Variants in ANXA4 observed in about 807,000 individuals in gnomAD.
ANXA4 encodes annexin A4.
Under a neutral mutation model 49.8 loss-of-function variants are expected in ANXA4, and 39 were observed. The ratio of observed to expected loss-of-function variants is 0.78; its 90% confidence interval spans 0.61 to 1.02. ANXA4 has a LOEUF of 1.02. Ranked by LOEUF, ANXA4 falls within the 50% of genes least tolerant of loss-of-function variation. The pLI, the probability that ANXA4 is intolerant of heterozygous loss-of-function variation, is 0.00. For synonymous variants in ANXA4, 134 were observed against 152.5 expected, an observed-to-expected ratio of 0.88 and a Z score of 0.89; for missense variants, 360 against 410.1, an observed-to-expected ratio of 0.88 and a Z score of 1.05.
upstream of ANXA4, among the ~76,000 whole-genome samples, chr2:69,739,136 A>G (rs1351167605): frequency 6.6e-6 from 1 of 152,130 alleles, no homozygotes; most frequent in Non-Finnish European, 1.5e-5. Context: ...TGCTTCTTGT[A>G]CAGACTTACA....
rs965098064 is a variant in ANXA4, at chr2:69,804,551, T to C, written c.116T>C (p.Ile39Thr). The C allele has an allele frequency of 6.8e-6, 11 of 1,613,816 alleles. No individual in the cohort carries two copies. Among genetic ancestry groups the C allele is most frequent in the African/African-American group, 1.3e-5 (1 of 75,014 alleles). The change falls in exon 4 of 13, where the codon ATT becomes ACT. Residue 39 changes from isoleucine to threonine, a missense_variant. Coordinates refer to ENST00000394295, the MANE Select transcript of ANXA4 (RefSeq NM_001153.5). The part of the protein sequence containing the change: ...MKGLGTDEDA[I>T]ISVLAYRNTA... ...CCCCCAGGCACCGATGAAGACGCCA[T>C]TATTAGCGTCCTTGCCTACCGCAAC...
chr2:69,802,133 T>C (rs894985776), intron 3 of ANXA4, among the ~76,000 whole-genome samples: 9 of 152,064 alleles, frequency 5.9e-5, no homozygotes, highest in African/African-American at 1.9e-4. Context: ...CTAAAGTAAA[T>C]CCAGCAGATG....
chr2:69,710,285 C>T (rs954661497), intron 2 of ANXA4, among the ~76,000 whole-genome samples: 3 of 152,086 alleles, frequency 2.0e-5, no homozygotes, highest in Non-Finnish European at 2.9e-5. Context: ...ATGCCCGGCC[C>T]ACTTCCAGGC....
At chr2:69,761,992 C>T (rs988718042) in intron 1 of ANXA4, among the ~76,000 whole-genome samples, 1 of 152,090 alleles carries the variant, frequency 6.6e-6, no homozygotes, top group East Asian at 1.9e-4. Context: ...AGAAAAGATG[C>T]CACATGCTTG....
chr2:69,799,896 A>G (rs552749069), intron 3 of ANXA4, among the ~76,000 whole-genome samples: 31 of 152,346 alleles, frequency 2.0e-4, no homozygotes, highest in African/African-American at 5.5e-4. Context: ...AGTAACAACA[A>G]CCGTAGCAAT....
At chr2:69,648,714 G>A (rs565598019) in intron 1 of ANXA4, among the ~76,000 whole-genome samples, 18 of 151,076 alleles carry the variant, frequency 1.2e-4, no homozygotes, top group African/African-American at 2.9e-4. Flanking sequence ...ATACCAGCTC[G>A]GGAGGCTGAG....
chr2:69,729,254 T>C (rs77740778), intron 3 of ANXA4, among the ~76,000 whole-genome samples: 6,917 of 152,126 alleles, frequency 0.045, 518 homozygotes, highest in African/African-American at 0.16. Flanking sequence ...CCTCAAGTGA[T>C]CCACCTGCCT....
chr2:69,718,944 T>C (rs1669741385), intron 2 of ANXA4, among the ~76,000 whole-genome samples: 1 of 152,006 alleles, frequency 6.6e-6, no homozygotes, highest in Admixed American at 6.6e-5. Flanking sequence ...TTATAAAGCT[T>C]TTCCTGATAT....
chr2:69,644,644 G>T (rs1675928875), exon 1 of ANXA4: 1 of 152,182 alleles, frequency 6.6e-6, no homozygotes, highest in Non-Finnish European at 1.5e-5. Context: ...CCAGCCCGTT[G>T]GCTTGACCTC....
chr2:69,663,146 C>T (rs113693157), intron 2 of ANXA4, among the ~76,000 whole-genome samples: 1 of 149,338 alleles, frequency 6.7e-6, no homozygotes. Flanking sequence ...GCGCCCACCA[C>T]CACGCCCAGC....
At chr2:69,657,597 A>G (rs897562760) in intron 2 of ANXA4, among the ~76,000 whole-genome samples, 1 of 152,132 alleles carries the variant, frequency 6.6e-6, no homozygotes, top group Non-Finnish European at 1.5e-5. Flanking sequence ...TAAAGTAATA[A>G]TTTTATGCTG....
intron 1 of ANXA4, among the ~76,000 whole-genome samples, chr2:69,756,801 G>A (rs1671052742): frequency 6.6e-6 from 1 of 151,580 alleles, no homozygotes; most frequent in African/African-American, 2.4e-5. Context: ...TATGCATAAT[G>A]TATATGTCAG....
chr2:69,812,558 T>A lies in ANXA4; in HGVS notation c.478-95T>A. 3 of 1,026,652 alleles carry A rather than the reference T, an allele frequency of 2.9e-6. No homozygotes were observed. The Middle Eastern group carries it at 7.2e-4, about 247-fold the overall frequency. 63.6% of individuals were successfully genotyped at this position (1,026,652 alleles called of 1,614,324 possible). ...TCTGAAGCTCCAATTCTTGTGGTAT[T>A]TTGTCTCATTACTCTAGACCTGCTA... On this transcript the variant is annotated intron_variant, in intron 7 of 12. Transcript: ENST00000394295.
At chr2:69,719,413 C>G (rs1392538139) in intron 2 of ANXA4, among the ~76,000 whole-genome samples, 2 of 151,486 alleles carry the variant, frequency 1.3e-5, no homozygotes, top group East Asian at 3.9e-4. Context: ...CAGGTATGTG[C>G]CACAACATCC....
intron 2 of ANXA4, among the ~76,000 whole-genome samples, chr2:69,664,003 T>C (rs1031885515): frequency 6.6e-6 from 1 of 152,188 alleles, no homozygotes; most frequent in Non-Finnish European, 1.5e-5. Context: ...GGGCACGTTG[T>C]GATATGGAAG....
intron 3 of ANXA4, among the ~76,000 whole-genome samples, chr2:69,790,101 T>G (rs1672617982): frequency 6.6e-6 from 1 of 151,920 alleles, no homozygotes; most frequent in African/African-American, 2.4e-5. Flanking sequence ...GAGAAGTGCT[T>G]TTTTTTTGAA....
At chr2:69,790,711 C>T (rs1672655008) in intron 3 of ANXA4, among the ~76,000 whole-genome samples, 1 of 152,174 alleles carries the variant, frequency 6.6e-6, no homozygotes, top group African/African-American at 2.4e-5. Flanking sequence ...TTGCCCAGAA[C>T]TAGAACATGT....
chr2:69,648,775 T>G (rs1457498553), intron 1 of ANXA4, among the ~76,000 whole-genome samples: 1 of 122,396 alleles, frequency 8.2e-6, no homozygotes, highest in Admixed American at 1.1e-4. Flanking sequence ...GAGCCGAGAG[T>G]GCACCACTGC....
At chr2:69,745,006 G>A (rs2105475766) in intron 1 of ANXA4, among the ~76,000 whole-genome samples, 1 of 152,330 alleles carries the variant, frequency 6.6e-6, no homozygotes, top group East Asian at 1.9e-4. Context: ...CCTGAGGCAG[G>A]AGGATCCCTT....
Sources: allele counts gnomAD v4.1 joint callset (sites outside exome capture counted in the v4.1 genomes callset), GRCh38; gene constraint gnomAD v4.1.1; transcripts MANE v1.5; gene names NCBI Gene and HGNC (gene_info 2026-07-23, HGNC 2026-07-21).